Variants in DYNC1I1 observed in about 807,000 individuals in gnomAD.
DYNC1I1 encodes the protein dynein cytoplasmic 1 intermediate chain 1.
In DYNC1I1, 43 loss-of-function variants were observed where a neutral mutation model predicts 86.6. The observed-to-expected ratio is 0.50, with a 90% CI of 0.39 to 0.64. The LOEUF is 0.64. DYNC1I1 is among the 30% of genes least tolerant of loss of function. DYNC1I1 has a pLI of 0.00. For synonymous variants in DYNC1I1, 262 were observed against 283.7 expected (o/e 0.92, Z 0.77); for missense variants, 604 against 788.8 (o/e 0.77, Z 2.81).
At chr7:95,949,346 A>C (rs1486941612) in intron 6 of DYNC1I1, among the ~76,000 whole-genome samples, 1 of 152,242 alleles carries the variant, frequency 6.6e-6, no homozygotes, top group African/African-American at 2.4e-5. Context: ...TCATCCTTGG[A>C]GCACTAAGCG....
intron 16 of DYNC1I1, among the ~76,000 whole-genome samples, chr7:96,106,006 T>G (rs1202914349): frequency 2.0e-5 from 3 of 152,174 alleles, no homozygotes; most frequent in Admixed American, 6.5e-5. Flanking sequence ...CTTTTTAAGT[T>G]CCTGATGTTG....
intron 16 of DYNC1I1, among the ~76,000 whole-genome samples, chr7:96,082,957 G>A (rs1790568300): frequency 1.3e-5 from 2 of 152,008 alleles, no homozygotes; most frequent in African/African-American, 4.8e-5. Flanking sequence ...TGATATTACA[G>A]ACTATAGAAA....
At chr7:96,014,554 AG>A (rs1477523908) in intron 10 of DYNC1I1, among the ~76,000 whole-genome samples, 1 of 152,182 alleles carries the variant, frequency 6.6e-6, no homozygotes, top group African/African-American at 2.4e-5. Flanking sequence ...GTCATTTTCA[AG>A]TGTGGGGCTT....
chr7:95,962,157 G>A (rs142454591), intron 6 of DYNC1I1, among the ~76,000 whole-genome samples: 244 of 152,292 alleles, frequency 1.6e-3, no homozygotes, highest in South Asian at 9.9e-3. Context: ...ATGTAGCTAG[G>A]AATGCCCTTT....
Position 95,947,797 on chromosome 7 carries a change from A to G in DYNC1I1, c.491-29715A>G, listed in dbSNP as rs541890094. On this transcript the variant is annotated intron_variant, in intron 6 of 16. Transcript: ENST00000447467. ...GAGTGGGTGTTTGCCCTTGAGAGGA[A>G]TAGCTGAGAGAAAAGAGGTGAAAAA... is the stretch of plus-strand genomic sequence containing the variant. 3.3e-5 allele frequency among the ~76,000 whole-genome samples: 5 copies of G among 152,310 alleles called. No homozygotes were observed. In the East Asian group the frequency reaches 9.7e-4, roughly 29 times the overall value.
At chr7:95,860,756 G>A (rs1162954422) in intron 5 of DYNC1I1, among the ~76,000 whole-genome samples, 3 of 152,124 alleles carry the variant, frequency 2.0e-5, no homozygotes, top group South Asian at 2.1e-4. Flanking sequence ...CCTTATTGCT[G>A]CACCCTCACA....
At chr7:96,010,150 T>C (rs563805122) in intron 10 of DYNC1I1, among the ~76,000 whole-genome samples, 1 of 152,138 alleles carries the variant, frequency 6.6e-6, no homozygotes, top group Admixed American at 6.5e-5. Context: ...GAGGAATCTG[T>C]CCCTGCCCCA....
intron 6 of DYNC1I1, among the ~76,000 whole-genome samples, chr7:95,900,059 G>A (rs1790996843): frequency 6.6e-6 from 1 of 152,146 alleles, no homozygotes; most frequent in Non-Finnish European, 1.5e-5. Flanking sequence ...CCCAGAAAGG[G>A]TCTGCATGTG....
intron 14 of DYNC1I1, among the ~76,000 whole-genome samples, chr7:96,060,125 A>C (rs1789719780): frequency 6.6e-6 from 1 of 152,208 alleles, no homozygotes; most frequent in Non-Finnish European, 1.5e-5. Flanking sequence ...CTAAAGTTCT[A>C]TTCACAGTAT....
chr7:95,928,318 C>T (rs1791799287), intron 6 of DYNC1I1, among the ~76,000 whole-genome samples: 2 of 152,168 alleles, frequency 1.3e-5, no homozygotes, highest in Non-Finnish European at 2.9e-5. Flanking sequence ...ATGGTTCAGA[C>T]CTAAGTTACT....
chr7:96,103,545 T>C (rs911361981), intron 16 of DYNC1I1, among the ~76,000 whole-genome samples: 6 of 152,144 alleles, frequency 3.9e-5, no homozygotes, highest in African/African-American at 9.7e-5. Context: ...ATTCAAAGCA[T>C]ACCAATGGCT....
intron 10 of DYNC1I1, among the ~76,000 whole-genome samples, chr7:96,006,152 A>G (rs1446051500): frequency 6.6e-6 from 1 of 152,194 alleles, no homozygotes; most frequent in Non-Finnish European, 1.5e-5. Flanking sequence ...CAACTGATCA[A>G]TAGTTCTGCA....
intron 6 of DYNC1I1, among the ~76,000 whole-genome samples, chr7:95,941,680 A>G (rs561846071): frequency 6.6e-6 from 1 of 152,204 alleles, no homozygotes; most frequent in Non-Finnish European, 1.5e-5. Flanking sequence ...GGTGGGAGTG[A>G]CCCGATTTTC....
At chr7:96,058,494 A>G (rs1378433453) in intron 14 of DYNC1I1, among the ~76,000 whole-genome samples, 3 of 152,200 alleles carry the variant, frequency 2.0e-5, no homozygotes. Flanking sequence ...TATTCATTCA[A>G]TACATGACCA....
chr7:95,931,792 TTTG>T (rs1254204911), intron 6 of DYNC1I1, among the ~76,000 whole-genome samples: 2 of 152,176 alleles, frequency 1.3e-5, no homozygotes, highest in East Asian at 3.8e-4. Flanking sequence ...ACAGAAAAAT[TTTG>T]TTGATCTCTG....
At chr7:95,975,383 TCTC>T (rs1452917943) in intron 6 of DYNC1I1, among the ~76,000 whole-genome samples, 1 of 152,130 alleles carries the variant, frequency 6.6e-6, no homozygotes, top group African/African-American at 2.4e-5. Flanking sequence ...AAGAATCTGT[TCTC>T]CTAACTTCCG....
In DYNC1I1 at chr7:96,094,167, C is replaced by T. The variant is rs577431369; in HGVS notation, c.1777-3316C>T. 2.6e-5 allele frequency among the ~76,000 whole-genome samples: 4 copies of T among 152,024 alleles called. No homozygotes were observed. In the South Asian group the frequency reaches 8.3e-4, roughly 32 times the overall value. ...GTCTGTATTTCATAGTCTTCATATT[C>T]CAAAATGATTCACTACTGTATCTTT... On this transcript the variant is annotated intron_variant, in intron 16 of 16. Transcript: ENST00000447467.
chr7:95,926,196 A>T (rs898343770), intron 6 of DYNC1I1, among the ~76,000 whole-genome samples: 1 of 152,226 alleles, frequency 6.6e-6, no homozygotes, highest in Non-Finnish European at 1.5e-5. Flanking sequence ...GGAAGTAATT[A>T]AGAATGACAG....
At chr7:95,810,637 A>G in intron 3 of DYNC1I1, 131 bp downstream of exon 3, 1 of 775,116 alleles carries the variant, frequency 1.3e-6, no homozygotes, top group Non-Finnish European at 1.9e-6. Flanking sequence ...TCTGTGGCTT[A>G]TGGTTCAGGT....
Sources: gnomAD v4.1 joint callset for allele counts (sites outside exome capture counted in the v4.1 genomes callset) on GRCh38, gnomAD v4.1.1 for gene constraint, MANE v1.5 for transcripts, NCBI Gene and HGNC (gene_info 2026-07-23, HGNC 2026-07-21) for gene names.